Variants in PBLD observed in about 807,000 individuals in gnomAD.
PBLD encodes phenazine biosynthesis like protein domain containing, also known as phenazine biosynthesis-like domain-containing protein.
A neutral mutation model predicts 31.3 loss-of-function variants in PBLD; 26 were observed. That is an observed-to-expected ratio of 0.83 (90% confidence interval 0.61 to 1.15). PBLD has a LOEUF of 1.15. PBLD is among the 50% of genes most tolerant of loss of function. PBLD has a pLI of 0.00. For missense variants in PBLD, 307 were observed against 351.7 expected, an observed-to-expected ratio of 0.87 and a Z score of 1.02; for synonymous variants, 114 against 129.0, an observed-to-expected ratio of 0.88 and a Z score of 0.79.
intron 1 of PBLD, among the ~76,000 whole-genome samples, chr10:68,313,598 T>G (rs913946870): frequency 2.0e-5 from 3 of 152,220 alleles, no homozygotes; most frequent in African/African-American, 7.2e-5. Context: ...TTTTTCACTT[T>G]TCTGCTAAAA....
Position 68,303,182 on chromosome 10 carries a change from G to A in PBLD, c.84+3579C>T, listed in dbSNP as rs974805488. Among the ~76,000 whole-genome samples, 3 of 151,810 alleles carry A rather than the reference G, an allele frequency of 2.0e-5. No individual in the cohort carries two copies. In the East Asian group the frequency reaches 5.9e-4, roughly 30 times the overall value. On this transcript the variant is annotated intron_variant, in intron 2 of 9. Transcript: ENST00000358769. ...TCTGCCTCCCAGGTTCAAGCAACTC[G>A]CCTGCCTCAGCCTACCGAGTAGCTG...
At chr10:68,330,380 A>AC (rs2045011246) in intron 1 of PBLD, among the ~76,000 whole-genome samples, 5 of 151,848 alleles carry the variant, frequency 3.3e-5, no homozygotes, top group Admixed American at 3.3e-4. Context: ...CTCTCACCCT[A>AC]CCCCCAACAG....
At chr10:68,326,878 C>T (rs1476359293) in intron 1 of PBLD, among the ~76,000 whole-genome samples, 2 of 152,134 alleles carry the variant, frequency 1.3e-5, no homozygotes, top group Non-Finnish European at 1.5e-5. Context: ...GAAACCCCAT[C>T]TCTACCAAAA....
intron 1 of PBLD, among the ~76,000 whole-genome samples, chr10:68,330,739 TGTGTGTGTGTGTG>T (rs2045040500): frequency 6.6e-6 from 1 of 151,362 alleles, no homozygotes; most frequent in South Asian, 2.1e-4. Flanking sequence ...TGTGTGTGTG[TGTGTGTGTGTGTG>T]TGTGTATTTT....
chr10:68,303,560 C>T (rs1173224975), intron 2 of PBLD, among the ~76,000 whole-genome samples: 1 of 150,870 alleles, frequency 6.6e-6, no homozygotes, highest in Non-Finnish European at 1.5e-5. Flanking sequence ...TTTGGGAGGC[C>T]GAGGTGGGAA....
intron 3 of PBLD, 124 bp downstream of exon 3, chr10:68,296,762 G>C: frequency 1.2e-6 from 1 of 814,460 alleles, no homozygotes; most frequent in South Asian, 1.6e-5. Flanking sequence ...CCAGCACTTC[G>C]GGAGGCTGAG....
intron 2 of PBLD, among the ~76,000 whole-genome samples, chr10:68,299,392 T>C (rs1231624859): frequency 6.6e-6 from 1 of 152,152 alleles, no homozygotes; most frequent in East Asian, 1.9e-4. Flanking sequence ...AGAAGAATTA[T>C]AATTTTATAT....
intron 2 of PBLD, among the ~76,000 whole-genome samples, chr10:68,301,061 T>C (rs116539732): frequency 0.049 from 7,430 of 152,138 alleles, 268 homozygotes; most frequent in East Asian, 0.18. Context: ...CATACCCGGC[T>C]GATTTTTGTA....
chr10:68,319,829 TA>T (rs930501130), intron 1 of PBLD, among the ~76,000 whole-genome samples: 17 of 136,392 alleles, frequency 1.2e-4, no homozygotes, highest in Middle Eastern at 3.5e-3. Context: ...TTTATTTATT[TA>T]TTTTTTTTTT....
At chr10:68,321,060 G>A (rs2044828670) in intron 1 of PBLD, among the ~76,000 whole-genome samples, 1 of 151,714 alleles carries the variant, frequency 6.6e-6, no homozygotes, top group Non-Finnish European at 1.5e-5. Flanking sequence ...GACCTCAGGT[G>A]ATCCACCCAC....
chr10:68,331,667 C>G (rs1458866516), intron 1 of PBLD: 3 of 152,294 alleles, frequency 2.0e-5, no homozygotes, highest in Non-Finnish European at 2.9e-5. Flanking sequence ...TCCGCGCCGT[C>G]GATGCCTAGC....
At chr10:68,330,734 G>A (rs1589683050) in intron 1 of PBLD, among the ~76,000 whole-genome samples, 2 of 151,318 alleles carry the variant, frequency 1.3e-5, no homozygotes, top group African/African-American at 4.8e-5. Flanking sequence ...GTGTGTGTGT[G>A]TGTGTGTGTG....
intron 4 of PBLD, among the ~76,000 whole-genome samples, chr10:68,293,710 C>T (rs992826510): frequency 2.6e-5 from 4 of 152,164 alleles, no homozygotes; most frequent in Non-Finnish European, 5.9e-5. Context: ...GTCCAGTTTT[C>T]AAAAGACACT....
intron 7 of PBLD, 44 bp downstream of exon 7, chr10:68,288,887 G>A (rs2044321134): frequency 5.2e-6 from 8 of 1,533,046 alleles, no homozygotes; most frequent in South Asian, 4.5e-5. Flanking sequence ...ATAAATCTGG[G>A]TACTCAGCCC....
At chr10:68,291,944 G>T in intron 6 of PBLD, 66 bp downstream of exon 6, 1 of 1,455,110 alleles carries the variant, frequency 6.9e-7, no homozygotes, top group Non-Finnish European at 9.6e-7. Context: ...TGGATCAAAT[G>T]ATACCAAATC....
chr10:68,287,601 A>C (rs2044305043), intron 8 of PBLD: 1 of 152,372 alleles, frequency 6.6e-6, no homozygotes, highest in African/African-American at 2.4e-5. Context: ...CCATCCTCCC[A>C]CATCAAGCAT....
chr10:68,330,569 G>A (rs1409457665), intron 1 of PBLD, among the ~76,000 whole-genome samples: 1 of 152,084 alleles, frequency 6.6e-6, no homozygotes, highest in Non-Finnish European at 1.5e-5. Context: ...GAGGTGGGAC[G>A]GAGTCTCGCT....
intron 1 of PBLD, among the ~76,000 whole-genome samples, chr10:68,318,401 G>T (rs1454535831): frequency 5.8e-5 from 2 of 34,512 alleles, no homozygotes; most frequent in East Asian, 1.7e-3. Context: ...AAAAAAAAAA[G>T]CCAGGGATGG....
intron 4 of PBLD, 77 bp from the exon 5 acceptor site, chr10:68,292,315 T>C: frequency 1.6e-6 from 2 of 1,250,254 alleles, no homozygotes; most frequent in Non-Finnish European, 2.3e-6. Context: ...CACCTTTGCA[T>C]TGTCTTAGAT....
Sources: gnomAD v4.1 joint callset for allele counts (sites outside exome capture counted in the v4.1 genomes callset) on GRCh38, gnomAD v4.1.1 for gene constraint, MANE v1.5 for transcripts, NCBI Gene and HGNC (gene_info 2026-07-23, HGNC 2026-07-21) for gene names.